The following CLSTN2 variants were observed in gnomAD, a reference collection of about 807,000 sequenced individuals.
The protein encoded by CLSTN2 is calsyntenin-2.
In CLSTN2, 48 loss-of-function variants were observed where a neutral mutation model predicts 101.2. The ratio of observed to expected loss-of-function variants is 0.47; its 90% CI spans 0.38 to 0.60. The LOEUF (loss-of-function observed/expected upper bound fraction) is 0.60, where lower values mean the gene tolerates loss of function less well. Among genes scored for constraint, CLSTN2 ranks in the 20% least tolerant of loss-of-function variants. CLSTN2 has a pLI of 0.00. For synonymous variants in CLSTN2, 481 were observed against 463.6 expected (o/e 1.04, Z -0.48); for missense variants, 1,160 against 1,238.2 (o/e 0.94, Z 0.95).
intron 2 of CLSTN2, among the ~76,000 whole-genome samples, chr3:140,353,467 T>C (rs2087633858): frequency 6.6e-6 from 1 of 152,122 alleles, no homozygotes; most frequent in Non-Finnish European, 1.5e-5. Context: ...CTGCCTGTTT[T>C]ATATTTGCTG....
At chr3:140,206,072 C>T (rs148217355) in intron 2 of CLSTN2, among the ~76,000 whole-genome samples, 1 of 152,200 alleles carries the variant, frequency 6.6e-6, no homozygotes, top group Non-Finnish European at 1.5e-5. Context: ...AAATCATTCA[C>T]AAACTTCAGA....
chr3:140,167,481 G>C (rs946724723), intron 1 of CLSTN2, among the ~76,000 whole-genome samples: 2 of 152,066 alleles, frequency 1.3e-5, no homozygotes, highest in African/African-American at 4.8e-5. Context: ...TTACCATACT[G>C]TTTACCTCTC....
intron 2 of CLSTN2, among the ~76,000 whole-genome samples, chr3:140,397,111 A>G (rs1230957036): frequency 6.6e-6 from 1 of 152,166 alleles, no homozygotes; most frequent in Non-Finnish European, 1.5e-5. Flanking sequence ...TTTGACAAAA[A>G]AAGATATATT....
chr3:140,116,963 G>A (rs1216052014), intron 1 of CLSTN2, among the ~76,000 whole-genome samples: 1 of 152,108 alleles, frequency 6.6e-6, no homozygotes, highest in East Asian at 1.9e-4. Context: ...TGTACTATTG[G>A]CTTTTGGTCA....
At chr3:140,454,730 T>C (rs750235334) in intron 6 of CLSTN2, 5 of 152,232 alleles carry the variant, frequency 3.3e-5, no homozygotes, top group Non-Finnish European at 5.9e-5. Flanking sequence ...TGGAACAGCT[T>C]TGATCTAAAA....
chr3:140,125,231 T>C lies in CLSTN2; in HGVS notation c.110-50720T>C, dbSNP rs4392380. 6.6e-3 allele frequency among the ~76,000 whole-genome samples: 1,006 copies of C among 152,118 alleles called. 13 individuals are homozygous for C. The highest frequency in any genetic ancestry group is 0.023 in the African/African-American group (961 of 41,498). ...GAATAGGAGCATGAGAATGGGGTAA[T>C]TGCTGAACAGGGGAGTGAAGCTGTA... is the stretch of plus-strand genomic sequence containing the variant. On this transcript the variant is annotated intron_variant, in intron 1 of 16. Coordinates refer to ENST00000458420, the MANE Select transcript of CLSTN2 (RefSeq NM_022131.3).
chr3:140,265,152 T>C (rs2086684230), intron 2 of CLSTN2, among the ~76,000 whole-genome samples: 1 of 152,196 alleles, frequency 6.6e-6, no homozygotes, highest in African/African-American at 2.4e-5. Flanking sequence ...ATTTGGTATG[T>C]GGAAGAACCA....
In CLSTN2 at chr3:140,470,522, C is replaced by CATAGGG. The variant is rs1282266254; in HGVS notation, c.1344+3796_1344+3797insGATAGG. Among the ~76,000 whole-genome samples the CATAGGG allele has an allele frequency of 3.3e-5, 5 of 152,198 alleles. No homozygotes were observed. In the East Asian group the frequency reaches 9.7e-4, roughly 29 times the overall value. ...CGTGTGAGCTCTCAGTGTGGTGGGG[C>CATAGGG]ATAGGCATAGGCATGGGGCGGAAGG... On this transcript the variant is annotated intron_variant, in intron 8 of 16. Coordinates refer to ENST00000458420, the MANE Select transcript of CLSTN2 (RefSeq NM_022131.3).
At chr3:140,133,032 T>G (rs2009545816) in intron 1 of CLSTN2, among the ~76,000 whole-genome samples, 1 of 152,222 alleles carries the variant, frequency 6.6e-6, no homozygotes, top group African/African-American at 2.4e-5. Context: ...AAGAGGTTTA[T>G]TTGCCTCGTT....
Position 140,164,758 on chromosome 3 carries a change from A to C in CLSTN2, c.110-11193A>C, listed in dbSNP as rs148805580. Among the ~76,000 whole-genome samples the C allele has an allele frequency of 3.1e-4, 47 of 152,316 alleles. No homozygotes were observed. The South Asian group carries it at 3.7e-3, about 12-fold the overall frequency. Reference sequence around the variant, plus strand: ...CTCTTGGTTCAGATGTCACTACCCAAAAGGATATTGCCATATAGTTCATTC... The same window carrying C: ...CTCTTGGTTCAGATGTCACTACCCACAAGGATATTGCCATATAGTTCATTC... On this transcript the variant is annotated intron_variant, in intron 1 of 16. Coordinates refer to ENST00000458420, the MANE Select transcript of CLSTN2 (RefSeq NM_022131.3).
At chr3:139,979,546 A>C (rs1013711922) in intron 1 of CLSTN2, among the ~76,000 whole-genome samples, 2 of 152,158 alleles carry the variant, frequency 1.3e-5, no homozygotes, top group African/African-American at 4.8e-5. Flanking sequence ...TTCTAAAAAA[A>C]TAATTTAAAA....
chr3:139,988,309 A>C (rs1936062760), intron 1 of CLSTN2, among the ~76,000 whole-genome samples: 2 of 151,788 alleles, frequency 1.3e-5, no homozygotes, highest in Non-Finnish European at 2.9e-5. Flanking sequence ...AAAAACAGGC[A>C]AATTTTGCTA....
At chr3:140,088,117 C>T (rs2008710219) in intron 1 of CLSTN2, among the ~76,000 whole-genome samples, 1 of 152,112 alleles carries the variant, frequency 6.6e-6, no homozygotes, top group Non-Finnish European at 1.5e-5. Flanking sequence ...TTTTGTGGCC[C>T]ATTATTCGTT....
Position 140,357,631 on chromosome 3 carries a change from C to A in CLSTN2, c.233-45998C>A, listed in dbSNP as rs112621656. On this transcript the variant is annotated intron_variant, in intron 2 of 16. Coordinates refer to ENST00000458420, the MANE Select transcript of CLSTN2 (RefSeq NM_022131.3). ...GGCAAGCAGAGGCAGGAACACTGAG[C>A]CCAGGCAGAAAAGAGGCCGCCAGGA... Among the ~76,000 whole-genome samples, 330 of 152,122 alleles carry A rather than the reference C, an allele frequency of 2.2e-3. 2 individuals carry two copies. The highest frequency in any genetic ancestry group is 7.4e-3 in the African/African-American group (306 of 41,496).
intron 2 of CLSTN2, among the ~76,000 whole-genome samples, chr3:140,260,502 T>C (rs1346436903): frequency 6.6e-6 from 1 of 152,142 alleles, no homozygotes; most frequent in Admixed American, 6.6e-5. Flanking sequence ...ATGGTTTTTA[T>C]TTTTTAGTCT....
chr3:140,243,976 A>G (rs1397635523), intron 2 of CLSTN2, among the ~76,000 whole-genome samples: 1 of 152,208 alleles, frequency 6.6e-6, no homozygotes, highest in Non-Finnish European at 1.5e-5. Flanking sequence ...ACCAAGACCT[A>G]TAGCCACACA....
chr3:140,505,468 GA>G (rs1488691967), intron 8 of CLSTN2: 1 of 152,212 alleles, frequency 6.6e-6, no homozygotes, highest in Non-Finnish European at 1.5e-5. Context: ...CTGGTTTACA[GA>G]GCCAGTAGCT....
intron 2 of CLSTN2, among the ~76,000 whole-genome samples, chr3:140,184,735 C>T (rs2010462101): frequency 6.6e-6 from 1 of 152,076 alleles, no homozygotes. Context: ...ATTATTCATA[C>T]CCCTATTTCA....
chr3:140,162,166 A>G (rs757937847), intron 1 of CLSTN2, among the ~76,000 whole-genome samples: 5 of 152,170 alleles, frequency 3.3e-5, no homozygotes, highest in Admixed American at 6.6e-5. Flanking sequence ...AGCAAATACT[A>G]TCTTAGCACT....
Sources: gnomAD v4.1 joint callset for allele counts (sites outside exome capture counted in the v4.1 genomes callset) on GRCh38, gnomAD v4.1.1 for gene constraint, MANE v1.5 for transcripts, NCBI Gene and HGNC (gene_info 2026-07-23, HGNC 2026-07-21) for gene names.